The following RNF180 variants were observed in gnomAD, a reference collection of about 807,000 sequenced individuals.
RNF180 encodes ring finger protein 180.
RNF180 carries 38 observed loss-of-function variants against 59.2 expected under a neutral mutation model. That is an observed-to-expected ratio of 0.64 (90% confidence interval 0.50 to 0.84). The LOEUF (loss-of-function observed/expected upper bound fraction) is 0.84. Ranked by LOEUF, RNF180 falls within the 40% of genes least tolerant of loss-of-function variation. The probability of loss-of-function intolerance (pLI) is 0.00; values close to 1 mark genes in which losing one functional copy is unlikely to be tolerated. For synonymous variants in RNF180, 262 were observed against 240.3 expected (o/e 1.09, Z -0.84); for missense variants, 705 against 700.9 (o/e 1.01, Z -0.07).
intron 7 of RNF180, among the ~76,000 whole-genome samples, chr5:64,352,035 CT>C (rs928384509): frequency 2.6e-5 from 4 of 151,074 alleles, no homozygotes; most frequent in East Asian, 3.9e-4. Flanking sequence ...TCATCCTGGA[CT>C]TTTTTTTTGT....
chr5:64,353,763 T>C (rs544604052), intron 7 of RNF180, among the ~76,000 whole-genome samples: 1 of 151,828 alleles, frequency 6.6e-6, no homozygotes, highest in African/African-American at 2.4e-5. Context: ...ATTGAAGCAA[T>C]ACAAAGTATC....
chr5:64,266,869 CAA>C (rs1447929957), intron 5 of RNF180, among the ~76,000 whole-genome samples: 1 of 152,016 alleles, frequency 6.6e-6, no homozygotes, highest in Non-Finnish European at 1.5e-5. Context: ...TACTGAAAGC[CAA>C]AAGTTCAGGA....
chr5:64,293,908 G>T (rs1028961932), intron 5 of RNF180, among the ~76,000 whole-genome samples: 1 of 152,126 alleles, frequency 6.6e-6, no homozygotes, highest in Non-Finnish European at 1.5e-5. Context: ...AAACAATCAT[G>T]CAGTACATCC....
intron 7 of RNF180, among the ~76,000 whole-genome samples, chr5:64,362,038 T>C (rs1386339401): frequency 2.6e-5 from 4 of 151,468 alleles, no homozygotes; most frequent in Non-Finnish European, 5.9e-5. Context: ...TTAAAATTAA[T>C]TTAATAAATT....
intron 5 of RNF180, among the ~76,000 whole-genome samples, chr5:64,319,883 A>G (rs1277882376): frequency 6.6e-6 from 1 of 152,254 alleles, no homozygotes; most frequent in African/African-American, 2.4e-5. Flanking sequence ...AGGTGCCATA[A>G]GATCTAGAAC....
chr5:64,207,022 G>A lies in RNF180; in HGVS notation c.136-5043G>A, dbSNP rs185321696. Among the ~76,000 whole-genome samples the A allele has an allele frequency of 4.3e-3, 661 of 152,146 alleles. 5 individuals carry two copies. The highest frequency in any genetic ancestry group is 0.015 in the African/African-American group (628 of 41,534). On this transcript the variant is annotated intron_variant, in intron 2 of 7. Coordinates refer to ENST00000389100, the MANE Select transcript of RNF180 (RefSeq NM_001113561.2). ...ACTGGAAACTCAAAGATGAGCAGAA[G>A]AGAAATGGTATGTCCTTATGAAGTT...
intron 5 of RNF180, among the ~76,000 whole-genome samples, chr5:64,247,754 A>G (rs912212937): frequency 6.6e-6 from 1 of 152,208 alleles, no homozygotes; most frequent in African/African-American, 2.4e-5. Flanking sequence ...AATTAATAAA[A>G]CTACTTTAAA....
chr5:64,275,661 T>G (rs1244314041), intron 5 of RNF180, among the ~76,000 whole-genome samples: 4 of 152,096 alleles, frequency 2.6e-5, no homozygotes, highest in South Asian at 2.1e-4. Context: ...ATACAGGGCC[T>G]TCTTCTCTCT....
intron 7 of RNF180, among the ~76,000 whole-genome samples, chr5:64,343,792 G>A (rs1745450038): frequency 6.6e-6 from 1 of 150,778 alleles, no homozygotes; most frequent in South Asian, 2.1e-4. Flanking sequence ...AAAAAATGAA[G>A]GTGAAATAAA....
intron 1 of RNF180, among the ~76,000 whole-genome samples, 164 bp from the exon 2 acceptor site, chr5:64,200,644 T>C (rs991622368): frequency 5.9e-5 from 9 of 152,206 alleles, no homozygotes; most frequent in Admixed American, 1.3e-4. Flanking sequence ...TCAGATGTAA[T>C]GTATAGAGTG....
At chr5:64,290,941 T>C (rs1742551184) in intron 5 of RNF180, among the ~76,000 whole-genome samples, 1 of 152,108 alleles carries the variant, frequency 6.6e-6, no homozygotes, top group Non-Finnish European at 1.5e-5. Flanking sequence ...ACTAGTTGTG[T>C]ACTTCAGTGT....
chr5:64,182,960 G>C (rs541510335), intron 1 of RNF180, among the ~76,000 whole-genome samples: 1 of 152,188 alleles, frequency 6.6e-6, no homozygotes, highest in Non-Finnish European at 1.5e-5. Flanking sequence ...CCATCTCGGA[G>C]CTAGTTGCTG....
intron 5 of RNF180, among the ~76,000 whole-genome samples, chr5:64,219,385 C>T (rs933374763): frequency 2.0e-5 from 3 of 151,490 alleles, no homozygotes; most frequent in Non-Finnish European, 4.4e-5. Context: ...ATGCCTCCGT[C>T]GTTGAAGAAT....
intron 1 of RNF180, among the ~76,000 whole-genome samples, chr5:64,169,902 A>G (rs1302238366): frequency 1.3e-5 from 2 of 152,270 alleles, no homozygotes; most frequent in African/African-American, 2.4e-5. Context: ...ACTCTAAGCC[A>G]TAGGAAAAGG....
At chr5:64,312,303 T>C (rs115959460) in intron 5 of RNF180, among the ~76,000 whole-genome samples, 39 of 152,232 alleles carry the variant, frequency 2.6e-4, no homozygotes, top group Non-Finnish European at 4.9e-4. Flanking sequence ...CTTTCTGGAC[T>C]GGAGACTAAT....
chr5:64,174,086 C>T (rs1750098822), intron 1 of RNF180, among the ~76,000 whole-genome samples: 1 of 152,236 alleles, frequency 6.6e-6, no homozygotes, highest in South Asian at 2.1e-4. Flanking sequence ...GTTTATTTCA[C>T]TTAATATAAT....
intron 7 of RNF180, among the ~76,000 whole-genome samples, chr5:64,365,728 T>C (rs1480132365): frequency 6.6e-6 from 1 of 151,726 alleles, no homozygotes; most frequent in Non-Finnish European, 1.5e-5. Context: ...TACCGTTATG[T>C]AATGCCCCTC....
chr5:64,255,096 T>C (rs1018198933), intron 5 of RNF180, among the ~76,000 whole-genome samples: 1 of 152,184 alleles, frequency 6.6e-6, no homozygotes, highest in African/African-American at 2.4e-5. Flanking sequence ...ATTCTGAATC[T>C]TAATTTTTTA....
intron 5 of RNF180, among the ~76,000 whole-genome samples, chr5:64,234,668 T>C (rs1392398288): frequency 2.3e-5 from 3 of 130,786 alleles, no homozygotes; most frequent in Non-Finnish European, 3.1e-5. Context: ...GGCGCCATCT[T>C]GGCTCACTGC....
Sources: gnomAD v4.1 joint callset for allele counts (sites outside exome capture counted in the v4.1 genomes callset) on GRCh38, gnomAD v4.1.1 for gene constraint, MANE v1.5 for transcripts, NCBI Gene and HGNC (gene_info 2026-07-23, HGNC 2026-07-21) for gene names.